GGA1: variants seen among roughly 807,000 people sequenced by gnomAD.
GGA1 encodes the protein golgi associated, gamma adaptin ear containing, ARF binding protein 1.
GGA1 carries 18 observed loss-of-function variants against 76.9 expected under a neutral mutation model. That is an observed-to-expected ratio of 0.23 (90% CI 0.16 to 0.35). GGA1 has a LOEUF of 0.35. GGA1 is among the 10% of genes least tolerant of loss of function. GGA1 has a pLI of 1.00. For synonymous variants in GGA1, 342 were observed against 354.7 expected (o/e 0.96, Z 0.40); for missense variants, 755 against 859.0 (o/e 0.88, Z 1.51).
At position 37,620,804 on chromosome 22, in the gene GGA1, C is replaced by T. The variant is rs1240450919; in HGVS notation, c.428-9C>T. 2 of 1,558,968 alleles carry T rather than the reference C, an allele frequency of 1.3e-6. No homozygotes were observed. The highest frequency in any genetic ancestry group is 3.3e-5 in the Admixed American group (2 of 59,940). On this transcript the variant is annotated splice_polypyrimidine_tract_variant and intron_variant, in intron 5 of 16. Transcript: ENST00000343632. ...TATTGACAGCCTTTCTGACACTCATCTAATCCAGGGATTGTAAAGTCCGAC... is the reference window on the plus strand; with the variant it reads ...TATTGACAGCCTTTCTGACACTCATTTAATCCAGGGATTGTAAAGTCCGAC...
intron 3 of GGA1, chr22:37,617,581 T>A: frequency 1.0e-6 from 1 of 964,982 alleles, no homozygotes; most frequent in Non-Finnish European, 1.2e-6. Context: ...TACCTGTAAT[T>A]TCAGCACTTG....
rs759647000 is a variant in GGA1 at position 37,614,237 on chromosome 22, A to G, written c.91A>G (p.Asn31Asp). The change falls in exon 2 of 17, where the codon AAC becomes GAC. Residue 31 changes from asparagine to aspartate, a missense_variant. Coordinates refer to ENST00000343632, the MANE Select transcript of GGA1 (RefSeq NM_013365.5). Reference protein sequence around the residue: ...LNKELDWASINGFCEQLNEDF... With the variant: ...LNKELDWASIDGFCEQLNEDF... ...CAAGGAGCTCGACTGGGCCAGCATC[A>G]ACGGCTTCTGCGAGCAGCTCAACGA... 1 of 1,613,930 alleles carries G rather than the reference A, an allele frequency of 6.2e-7. No individual in the cohort carries two copies.
intron 1 of GGA1, among the ~76,000 whole-genome samples, chr22:37,612,066 G>A (rs1029462799): frequency 3.9e-5 from 6 of 152,002 alleles, no homozygotes; most frequent in African/African-American, 1.5e-4. Context: ...TGAAGCAGGA[G>A]AATCGTTTGA....
chr22:37,613,776 C>G (rs1030469684), intron 1 of GGA1, among the ~76,000 whole-genome samples: 2 of 152,156 alleles, frequency 1.3e-5, no homozygotes, highest in African/African-American at 4.8e-5. Context: ...TGGCCCACTT[C>G]CCGGCTACAC....
rs369950942 is a variant in GGA1 at position 37,623,639 on chromosome 22, C to T, written c.832+6C>T. 8 of 1,561,004 alleles carry T rather than the reference C, an allele frequency of 5.1e-6. No individual in the cohort carries two copies. In the African/African-American group the frequency reaches 1.1e-4, roughly 21 times the overall value. ...GGACAATGATGAGGCCTTAGGTGAG[C>T]CCAGGGCAGGTGCTGAGGTCAGGTC... is the stretch of plus-strand genomic sequence containing the variant. On this transcript the variant is annotated splice_donor_region_variant and intron_variant, in intron 9 of 16. Coordinates refer to ENST00000343632, the MANE Select transcript of GGA1 (RefSeq NM_013365.5). The surrounding 1 kb of genome is among the most constrained non-coding windows in gnomAD (Gnocchi z 4.6).
chr22:37,629,503 G>A lies in GGA1; in HGVS notation c.1135G>A (p.Gly379Ser), dbSNP rs770312873. ...ACCCCCTTCAGGCCCAAGCCTGGAT[G>A]GTACCGGATGGAACAGCTTCCAGGT... ...PTPPSGPSLD[G>S]TGWNSFQSSD... The change falls in exon 12 of 17, where the codon GGT (glycine) becomes AGT (serine). Residue 379 changes from glycine to serine, a missense_variant. Physicochemically the swap from Gly to Ser is moderately conservative, Grantham distance 56. Transcript: ENST00000343632. 1.9e-6 allele frequency: 3 copies of A among 1,583,734 alleles called. No homozygotes were observed. The highest frequency in any genetic ancestry group is 2.6e-6 in the Non-Finnish European group (3 of 1,168,004).
At position 37,621,786 on chromosome 22, in the gene GGA1, A is replaced by T. The variant is rs1471248912; in HGVS notation, c.609+90A>T. On this transcript the variant is annotated intron_variant, in intron 7 of 16. Coordinates refer to ENST00000343632, the MANE Select transcript of GGA1 (RefSeq NM_013365.5). Reference sequence around the variant, plus strand: ...TGGGGCTGTATGCATCTTCACATGGAAGGAGCCCTGCAGTGACCCGGGCTG... The same window carrying T: ...TGGGGCTGTATGCATCTTCACATGGTAGGAGCCCTGCAGTGACCCGGGCTG... 3 of 839,214 alleles carry T rather than the reference A, an allele frequency of 3.6e-6. No individual in the cohort carries two copies. The Admixed American group carries it at 6.9e-5, about 19-fold the overall frequency. The allele number at this position is 839,214 out of a possible 1,614,324, so 52.0% of individuals were successfully genotyped here.
chr22:37,609,102 A>G (rs1476890041), intron 1 of GGA1, 199 bp downstream of exon 1: 38 of 1,487,458 alleles, frequency 2.6e-5, no homozygotes, highest in Non-Finnish European at 3.4e-5. Flanking sequence ...CAGCGGTGGG[A>G]GCGGGCGCCG....
chr22:37,614,454 G>A (rs1299379029), intron 2 of GGA1, among the ~76,000 whole-genome samples, 180 bp downstream of exon 2: 1 of 152,230 alleles, frequency 6.6e-6, no homozygotes, highest in African/African-American at 2.4e-5. Flanking sequence ...GGGCCTTGCT[G>A]GAACCATTTA....
At position 37,624,701 on chromosome 22, in the gene GGA1, G is replaced by A. The variant is rs1023581830; in HGVS notation, c.833-268G>A. 4.8e-6 allele frequency: 2 copies of A among 412,428 alleles called. No individual in the cohort carries two copies. The highest frequency in any genetic ancestry group is 3.5e-5 in the Admixed American group (1 of 28,342). 25.5% of individuals were successfully genotyped at this position (412,428 alleles called of 1,614,324 possible). On this transcript the variant is annotated intron_variant, in intron 9 of 16. Coordinates refer to ENST00000343632, the MANE Select transcript of GGA1 (RefSeq NM_013365.5). The surrounding 1 kb of genome is among the most constrained non-coding windows in gnomAD (Gnocchi z 4.3). ...AGAGATCTGGGGCAGCCAGAGAGCA[G>A]AGCTGGAGTGGAGGCCTGGAGGCGG...
In GGA1 at chr22:37,616,915, C is replaced by G. The variant is rs1189822805; in HGVS notation, c.129-7C>G. The G allele has an allele frequency of 3.7e-6, 6 of 1,600,140 alleles. No individual in the cohort carries two copies. The Admixed American group carries it at 1.0e-4, about 28-fold the overall frequency. ...GACTCTGGCTCTGTGTTGTTCCTCCCACCCAGGCCTCCACTCGCCACCCGG... is the reference window on the plus strand; with the variant it reads ...GACTCTGGCTCTGTGTTGTTCCTCCGACCCAGGCCTCCACTCGCCACCCGG... On this transcript the variant is annotated splice_polypyrimidine_tract_variant and splice_region_variant and intron_variant, in intron 2 of 16. Coordinates refer to ENST00000343632, the MANE Select transcript of GGA1 (RefSeq NM_013365.5).
rs1164461133 is a variant in GGA1 at position 37,623,894 on chromosome 22, C to T, written c.832+261C>T. ...GCTGCACAGGAGGCAGACCCATCCC[C>T]TTTTCACAACTGGGGCTAAGGGAGG... On this transcript the variant is annotated intron_variant, in intron 9 of 16. Coordinates refer to ENST00000343632, the MANE Select transcript of GGA1 (RefSeq NM_013365.5). The surrounding 1 kb of genome is among the most constrained non-coding windows in gnomAD (Gnocchi z 4.6). 1 of 461,624 alleles carries T rather than the reference C, an allele frequency of 2.2e-6. No individual in the cohort carries two copies. The highest frequency in any genetic ancestry group is 2.0e-5 in the African/African-American group (1 of 50,894). 28.6% of individuals were successfully genotyped at this position (461,624 alleles called of 1,614,324 possible).
intron 3 of GGA1, 187 bp from the exon 4 acceptor site, chr22:37,618,261 C>G: frequency 1.7e-6 from 1 of 571,436 alleles, no homozygotes; most frequent in Admixed American, 3.0e-5. Flanking sequence ...TCGCCTGACC[C>G]TATCTCCCAT....
At chr22:37,617,665 C>T in intron 3 of GGA1, 1 of 606,700 alleles carries the variant, frequency 1.6e-6, no homozygotes, top group Non-Finnish European at 2.1e-6. Flanking sequence ...TGCCACTGTA[C>T]TCCAGACTGG....
rs16985612 is a variant in GGA1, at chr22:37,629,591, T to C, written c.1158+65T>C. ...CCAGGGTCAGGGCAGCTGGGACAAGTGGCCTGGAGAAACTAAAAGGATGGA... is the reference window on the plus strand; with the variant it reads ...CCAGGGTCAGGGCAGCTGGGACAAGCGGCCTGGAGAAACTAAAAGGATGGA... On this transcript the variant is annotated intron_variant, in intron 12 of 16. Transcript: ENST00000343632. 8,538 of 980,644 alleles carry C rather than the reference T, an allele frequency of 8.7e-3. 487 individuals are homozygous for C. In the African/African-American group the frequency reaches 0.13, roughly 15 times the overall value. The allele number at this position is 980,644 out of a possible 1,614,324, so 60.7% of individuals were successfully genotyped here. A position where few individuals can be genotyped will look rare whatever the true frequency, so the allele number is the denominator to read the frequency against.
rs969884058 is a variant in GGA1 at position 37,625,718 on chromosome 22, T to C, written c.941-79T>C. 1 of 1,152,910 alleles carries C rather than the reference T, an allele frequency of 8.7e-7. No homozygotes were observed. The highest frequency in any genetic ancestry group is 2.5e-5 in the Admixed American group (1 of 39,754). 71.4% of individuals were successfully genotyped at this position (1,152,910 alleles called of 1,614,324 possible). ...GTGGTAAAGCATCGGGGGTTAGGTG[T>C]TGCTCCCCCGCAACCCCTGTGGACT... On this transcript the variant is annotated intron_variant, in intron 10 of 16. Transcript: ENST00000343632. The surrounding 1 kb of genome is among the most constrained non-coding windows in gnomAD (Gnocchi z 4.1).
chr22:37,620,107 G>T, intron 4 of GGA1, 131 bp from the exon 5 acceptor site: 1 of 951,282 alleles, frequency 1.1e-6, no homozygotes, highest in Non-Finnish European at 1.7e-6. Context: ...GGTTGGGCGG[G>T]GCTATGAGGA....
In GGA1 at chr22:37,623,838, C is replaced by G. The variant is rs1930339059; in HGVS notation, c.832+205C>G. 3.4e-5 allele frequency: 19 copies of G among 563,994 alleles called. 1 individual carries two copies. In the South Asian group the frequency reaches 3.6e-4, roughly 11 times the overall value. 34.9% of individuals were successfully genotyped at this position (563,994 alleles called of 1,614,324 possible). On this transcript the variant is annotated intron_variant, in intron 9 of 16. Coordinates refer to ENST00000343632, the MANE Select transcript of GGA1 (RefSeq NM_013365.5). This position sits in a 1 kb window ranked among gnomAD's most constrained non-coding sequence, Gnocchi z 4.6. Reference sequence around the variant, plus strand: ...TGTTGAGAGGCCCTGTGGGCCAGCCCCCTTAACAGGCATCTTATTTACTAC... The same window carrying G: ...TGTTGAGAGGCCCTGTGGGCCAGCCGCCTTAACAGGCATCTTATTTACTAC...
At chr22:37,630,520 A>G (rs1320470295) in intron 13 of GGA1, 1 of 439,246 alleles carries the variant, frequency 2.3e-6, no homozygotes, top group Non-Finnish European at 4.0e-6. Flanking sequence ...AGAGATAGCC[A>G]CACGTGCCAG....
Sources: allele counts gnomAD v4.1 joint callset (sites outside exome capture counted in the v4.1 genomes callset), GRCh38; gene constraint gnomAD v4.1.1; non-coding constraint Gnocchi (gnomAD v3.1); transcripts MANE v1.5; gene names NCBI Gene and HGNC (gene_info 2026-07-23, HGNC 2026-07-21).